KIAA0825: variants seen among roughly 807,000 people sequenced by gnomAD.
KIAA0825 encodes the protein KIAA0825.
KIAA0825 carries 119 observed loss-of-function variants against 147.6 expected under a neutral mutation model. The observed-to-expected ratio is 0.81, with a 90% CI of 0.69 to 0.94. KIAA0825 has a LOEUF of 0.94. KIAA0825 is among the 40% of genes least tolerant of loss of function. The pLI is 0.00. For missense variants in KIAA0825, 1,381 were observed against 1,472.7 expected, an observed-to-expected ratio of 0.94 and a Z score of 1.02; for synonymous variants, 470 against 518.1, an observed-to-expected ratio of 0.91 and a Z score of 1.26.
At chr5:94,425,983 G>C (rs193117608) in intron 14 of KIAA0825, among the ~76,000 whole-genome samples, 4 of 151,636 alleles carry the variant, frequency 2.6e-5, no homozygotes, top group Non-Finnish European at 4.4e-5. Context: ...AAGTAGCTGG[G>C]ACTACAGGCT....
At chr5:94,201,616 GTT>G (rs559774245) in intron 20 of KIAA0825, among the ~76,000 whole-genome samples, 1 of 143,330 alleles carries the variant, frequency 7.0e-6, no homozygotes, top group African/African-American at 2.5e-5. Flanking sequence ...TGGTTTTTTG[GTT>G]TTTTTTTTTT....
At chr5:94,164,796 G>A (rs1038762628) in intron 20 of KIAA0825, among the ~76,000 whole-genome samples, 31 of 151,890 alleles carry the variant, frequency 2.0e-4, no homozygotes, top group Admixed American at 1.2e-3. Flanking sequence ...TGGGAAAACT[G>A]GATATTCATA....
chr5:94,611,367 T>C (rs905215865), intron 1 of KIAA0825, among the ~76,000 whole-genome samples: 11 of 152,042 alleles, frequency 7.2e-5, no homozygotes, highest in African/African-American at 2.4e-4. Flanking sequence ...CAATAACAAA[T>C]ACATTTTATA....
chr5:94,452,999 A>C lies in KIAA0825; in HGVS notation c.2317T>G (p.Trp773Gly), dbSNP rs750934253. 2.0e-5 allele frequency: 31 copies of C among 1,532,702 alleles called. No individual in the cohort carries two copies. In the South Asian group the frequency reaches 3.9e-4, roughly 19 times the overall value. The allele number at this position is 1,532,702 out of a possible 1,614,324, so 94.9% of individuals were successfully genotyped here. A position where few individuals can be genotyped will look rare whatever the true frequency, so the allele number is the denominator to read the frequency against. ...LKSFFKQPLY[W>G]VSCISHFYPS... ...TAGAAATGTGATATGCAAGAAACCC[A>C]ATATAATGGTTGCTTAAAAAATGAT... The change falls in exon 13 of 21, where the codon TGG (tryptophan) becomes GGG (glycine). Residue 773 changes from tryptophan to glycine, a missense_variant. Trp to Gly is a radical substitution (Grantham distance 184). Coordinates refer to ENST00000682413, the MANE Select transcript of KIAA0825 (RefSeq NM_001145678.3).
At chr5:94,509,966 G>A (rs1193264404) in intron 5 of KIAA0825, among the ~76,000 whole-genome samples, 2 of 152,116 alleles carry the variant, frequency 1.3e-5, no homozygotes, top group Admixed American at 1.3e-4. Flanking sequence ...TGTTAACAAT[G>A]ATTATTATAA....
At chr5:94,381,490 T>G (rs1748412267) in intron 20 of KIAA0825, among the ~76,000 whole-genome samples, 1 of 152,214 alleles carries the variant, frequency 6.6e-6, no homozygotes, top group African/African-American at 2.4e-5. Context: ...GTATTGAAAG[T>G]AATCTAGAGA....
intron 1 of KIAA0825, among the ~76,000 whole-genome samples, chr5:94,589,244 G>A (rs1783901070): frequency 6.6e-6 from 1 of 152,078 alleles, no homozygotes; most frequent in Admixed American, 6.6e-5. Flanking sequence ...TTGGGGTTGG[G>A]GCCTGAAATT....
intron 1 of KIAA0825, among the ~76,000 whole-genome samples, chr5:94,616,689 T>C (rs954825477): frequency 3.3e-5 from 5 of 152,190 alleles, no homozygotes; most frequent in Admixed American, 1.3e-4. Context: ...GTTATGCTAA[T>C]GTACAGTATA....
chr5:94,409,810 T>A (rs1272398440), intron 15 of KIAA0825, among the ~76,000 whole-genome samples: 1 of 152,172 alleles, frequency 6.6e-6, no homozygotes, highest in Non-Finnish European at 1.5e-5. Context: ...AGATCTGCCC[T>A]AATAAAGCTT....
At chr5:94,277,243 G>T (rs138434632) in intron 20 of KIAA0825, among the ~76,000 whole-genome samples, 1 of 152,062 alleles carries the variant, frequency 6.6e-6, no homozygotes, top group African/African-American at 2.4e-5. Context: ...TACCTGGTAG[G>T]TAAGTAAGAC....
At position 94,380,643 on chromosome 5, in the gene KIAA0825, T is replaced by C. The variant is rs192798020; in HGVS notation, c.3710+3725A>G. ...GGGTAGCCTGGAGGGTCCCTTTAGA[T>C]GGGTGAAATAGAAAAGTCTCCTCAG... On this transcript the variant is annotated intron_variant, in intron 20 of 20. Transcript: ENST00000682413. Among the ~76,000 whole-genome samples the C allele has an allele frequency of 2.6e-3, 392 of 152,250 alleles. 2 individuals carry two copies. The highest frequency in any genetic ancestry group is 9.2e-3 in the African/African-American group (384 of 41,550).
intron 20 of KIAA0825, among the ~76,000 whole-genome samples, chr5:94,228,147 T>G (rs1465232082): frequency 6.6e-6 from 1 of 152,106 alleles, no homozygotes; most frequent in Non-Finnish European, 1.5e-5. Context: ...GACATCAGGA[T>G]TTCATTTCAA....
At chr5:94,182,466 G>C (rs1769751406) in intron 20 of KIAA0825, among the ~76,000 whole-genome samples, 1 of 150,808 alleles carries the variant, frequency 6.6e-6, no homozygotes, top group Non-Finnish European at 1.5e-5. Context: ...CACCATGTTG[G>C]CCAGGCTGGT....
At chr5:94,233,153 T>G (rs1774834797) in intron 20 of KIAA0825, among the ~76,000 whole-genome samples, 1 of 152,200 alleles carries the variant, frequency 6.6e-6, no homozygotes, top group Admixed American at 6.5e-5. Flanking sequence ...AACATAAAAA[T>G]AGAGAATCTA....
At chr5:94,485,214 C>T (rs779821984) in intron 5 of KIAA0825, among the ~76,000 whole-genome samples, 49 of 150,334 alleles carry the variant, frequency 3.3e-4, no homozygotes, top group South Asian at 1.2e-3. Context: ...TCACATCTTA[C>T]GCAATTCTGC....
chr5:94,370,031 C>A (rs984252211), intron 20 of KIAA0825, among the ~76,000 whole-genome samples: 11 of 152,088 alleles, frequency 7.2e-5, no homozygotes, highest in Admixed American at 6.5e-5. Flanking sequence ...TCATGCAAAA[C>A]CTGTATACAA....
At chr5:94,596,879 G>A (rs1785413338) in intron 1 of KIAA0825, among the ~76,000 whole-genome samples, 1 of 151,992 alleles carries the variant, frequency 6.6e-6, no homozygotes, top group Non-Finnish European at 1.5e-5. Context: ...ACCATGCTTG[G>A]TTGTTGTTGG....
intron 20 of KIAA0825, among the ~76,000 whole-genome samples, chr5:94,179,262 A>G (rs190524812): frequency 8.9e-4 from 135 of 152,224 alleles, no homozygotes; most frequent in African/African-American, 3.2e-3. Context: ...CACAGAGTGA[A>G]CTTTTTTGTA....
chr5:94,303,088 A>C (rs1049787743), intron 20 of KIAA0825, among the ~76,000 whole-genome samples: 1 of 152,020 alleles, frequency 6.6e-6, no homozygotes, highest in African/African-American at 2.4e-5. Context: ...CTATGGAGAC[A>C]ACTAGATAAC....
Sources: gnomAD v4.1 joint callset for allele counts (sites outside exome capture counted in the v4.1 genomes callset) on GRCh38, gnomAD v4.1.1 for gene constraint, MANE v1.5 for transcripts, NCBI Gene and HGNC (gene_info 2026-07-23, HGNC 2026-07-21) for gene names.